ZNF536: variants seen among roughly 807,000 people sequenced by gnomAD.
ZNF536 encodes zinc finger protein 536.
In ZNF536, 13 loss-of-function variants were observed where a neutral mutation model predicts 84.5. The observed-to-expected ratio is 0.15, with a 90% CI of 0.10 to 0.24. The LOEUF (loss-of-function observed/expected upper bound fraction) is 0.24. Ranked by LOEUF, ZNF536 falls within the 10% of genes least tolerant of loss-of-function variation. The pLI is 1.00. For missense variants in ZNF536, 1,536 were observed against 1,747.5 expected (o/e 0.88, Z 2.16); for synonymous variants, 811 against 742.5 (o/e 1.09, Z -1.50).
intron 2 of ZNF536, among the ~76,000 whole-genome samples, chr19:30,305,471 G>A (rs2046315351): frequency 2.0e-5 from 3 of 152,200 alleles, no homozygotes; most frequent in Admixed American, 6.5e-5. Context: ...GCGGTGAGCA[G>A]CTGGGTATTT....
intron 1 of ZNF536, among the ~76,000 whole-genome samples, chr19:30,632,953 G>C (rs1442742593): frequency 1.3e-5 from 2 of 152,188 alleles, no homozygotes; most frequent in Non-Finnish European, 2.9e-5. Context: ...GAGGAAGAGG[G>C]CTGTGGATTA....
intron 2 of ZNF536, 140 bp from the exon 3 acceptor site, chr19:30,534,707 C>T: frequency 3.5e-6 from 3 of 865,404 alleles, no homozygotes; most frequent in Non-Finnish European, 5.0e-6. Context: ...CATGAATTGT[C>T]AGCATTCTGT....
rs765448632 is a variant in ZNF536, at chr19:30,549,234, C to T, written c.3615C>T (p.Gly1205=). 8.7e-6 allele frequency: 14 copies of T among 1,613,860 alleles called. No homozygotes were observed. The highest frequency in any genetic ancestry group is 4.0e-5 in the African/African-American group (3 of 74,936). The change falls in exon 4 of 5, where the codon GGC becomes GGT. Residue 1205 remains glycine (G), a synonymous_variant. Coordinates refer to ENST00000355537, the MANE Select transcript of ZNF536 (RefSeq NM_014717.3). ...TCAGCAAAGACAGCAGCAGCGATGG[C>T]GGGGACAGCCTGCAGCCCACAGGCA... ...SALSKDSSSD[G]GDSLQPTGTS...
intron 1 of ZNF536, among the ~76,000 whole-genome samples, chr19:30,247,174 A>G (rs1013656593): frequency 6.6e-6 from 1 of 152,210 alleles, no homozygotes; most frequent in African/African-American, 2.4e-5. Flanking sequence ...TGAAAATAAG[A>G]TATGTATTCA....
chr19:30,687,160 G>T (rs929158269), intron 1 of ZNF536, among the ~76,000 whole-genome samples: 3 of 152,220 alleles, frequency 2.0e-5, no homozygotes, highest in African/African-American at 7.2e-5. Flanking sequence ...GGCTGCAAAT[G>T]CATGCCTGGG....
chr19:30,446,456 A>G, intron 2 of ZNF536, among the ~76,000 whole-genome samples: 1 of 151,874 alleles, frequency 6.6e-6, no homozygotes, highest in East Asian at 1.9e-4. Context: ...CCTGGGTATG[A>G]ATGTGTAAGT....
chr19:30,384,539 G>A (rs968142202), intron 1 of ZNF536, among the ~76,000 whole-genome samples: 2 of 151,502 alleles, frequency 1.3e-5, no homozygotes, highest in African/African-American at 2.4e-5. Flanking sequence ...ATCATGTCCT[G>A]GGTGGGACCC....
At chr19:30,423,982 G>T (rs2147885663) in intron 1 of ZNF536, among the ~76,000 whole-genome samples, 1 of 152,332 alleles carries the variant, frequency 6.6e-6, no homozygotes, top group South Asian at 2.1e-4. Context: ...CCAGGGTCTG[G>T]GCAGTGCCCT....
chr19:30,255,743 G>C (rs1249380373), intron 1 of ZNF536, among the ~76,000 whole-genome samples: 1 of 152,170 alleles, frequency 6.6e-6, no homozygotes, highest in East Asian at 1.9e-4. Context: ...CATTACTTTT[G>C]ATTTTGGAGT....
chr19:30,456,640 A>G (rs1386091381), intron 2 of ZNF536, among the ~76,000 whole-genome samples: 1 of 152,114 alleles, frequency 6.6e-6, no homozygotes, highest in Non-Finnish European at 1.5e-5. Context: ...TCATAAATAC[A>G]CTCATTTGTT....
chr19:30,683,331 A>G (rs540190301), intron 1 of ZNF536, among the ~76,000 whole-genome samples: 7 of 152,354 alleles, frequency 4.6e-5, no homozygotes, highest in East Asian at 1.9e-4. Flanking sequence ...TGATTTGACC[A>G]TGAGCTCTAA....
At chr19:30,230,222 GT>G (rs368461650) in intron 1 of ZNF536, among the ~76,000 whole-genome samples, 39 of 152,290 alleles carry the variant, frequency 2.6e-4, no homozygotes, top group African/African-American at 8.7e-4. Flanking sequence ...TTACATAAAT[GT>G]GATGAAAATG....
chr19:30,471,072 C>T (rs1452008751), intron 2 of ZNF536, among the ~76,000 whole-genome samples: 1 of 151,790 alleles, frequency 6.6e-6, no homozygotes, highest in Non-Finnish European at 1.5e-5. Context: ...CCTCCCACCT[C>T]GTCCTCCCAA....
chr19:30,243,746 C>T (rs1041663193), intron 1 of ZNF536, among the ~76,000 whole-genome samples: 1 of 152,258 alleles, frequency 6.6e-6, no homozygotes, highest in African/African-American at 2.4e-5. Context: ...TCCCAAATCA[C>T]AAAGTGTCAA....
At chr19:30,369,005 C>T (rs535788808), upstream of ZNF536, among the ~76,000 whole-genome samples, 1 of 152,312 alleles carries the variant, frequency 6.6e-6, no homozygotes, top group African/African-American at 2.4e-5. Flanking sequence ...ACTGACTGAT[C>T]CAGTAAATTT....
intron 1 of ZNF536, among the ~76,000 whole-genome samples, chr19:30,691,762 G>T (rs896416633): frequency 6.6e-6 from 1 of 152,194 alleles, no homozygotes; most frequent in Non-Finnish European, 1.5e-5. Context: ...AAAATGGGGA[G>T]GGGGGAAACC....
chr19:30,700,399 C>T (rs1238020567), intron 1 of ZNF536, among the ~76,000 whole-genome samples: 1 of 146,658 alleles, frequency 6.8e-6, no homozygotes. Flanking sequence ...TCCTTTCTTC[C>T]TTCTCTTTTT....
Position 30,383,942 on chromosome 19 carries a change from C to T in ZNF536, c.-3+11386C>T, listed in dbSNP as rs140803743. Among the ~76,000 whole-genome samples the T allele has an allele frequency of 7.4e-3, 229 of 31,046 alleles. 1 individual carries two copies. The highest frequency in any genetic ancestry group is 0.035 in the African/African-American group (213 of 6,024). The allele number at this position is 31,046 out of a possible 152,430, so 20.4% of individuals were successfully genotyped here. A position where few individuals can be genotyped will look rare whatever the true frequency, so the allele number is the denominator to read the frequency against. On this transcript the variant is annotated intron_variant, in intron 1 of 4. Coordinates refer to ENST00000355537, the MANE Select transcript of ZNF536 (RefSeq NM_014717.3). ...TCCCTTCCCTTCCCTTCCCTTCCCT[C>T]CCCTCCCCTCCCCTCCCCTTCCCTT...
At chr19:30,446,188 G>T (rs1216932230) in intron 2 of ZNF536, among the ~76,000 whole-genome samples, 1 of 133,346 alleles carries the variant, frequency 7.5e-6, no homozygotes, top group Non-Finnish European at 1.5e-5. Context: ...GGGGGAGGCT[G>T]CAGTGAGCCA....
Sources: gnomAD v4.1 joint callset for allele counts (sites outside exome capture counted in the v4.1 genomes callset) on GRCh38, gnomAD v4.1.1 for gene constraint, MANE v1.5 for transcripts, NCBI Gene and HGNC (gene_info 2026-07-23, HGNC 2026-07-21) for gene names.